The following ELP4 variants were observed in gnomAD, a reference collection of about 807,000 sequenced individuals.
ELP4 encodes the protein elongator complex protein 4.
A neutral mutation model predicts 48.9 loss-of-function variants in ELP4; 51 were observed. The observed-to-expected ratio is 1.04, with a 90% CI of 0.83 to 1.32. ELP4 has a LOEUF of 1.32. ELP4 is among the 40% of genes most tolerant of loss of function. ELP4 has a pLI of 0.00. For missense variants in ELP4, 519 were observed against 514.6 expected, an observed-to-expected ratio of 1.01 and a Z score of -0.08; for synonymous variants, 210 against 189.2, an observed-to-expected ratio of 1.11 and a Z score of -0.90.
At chr11:31,527,980 C>T (rs1317698930) in intron 2 of ELP4, among the ~76,000 whole-genome samples, 2 of 151,996 alleles carry the variant, frequency 1.3e-5, no homozygotes, top group African/African-American at 4.8e-5. Context: ...GTCTCTAGAC[C>T]TTTGCTTATG....
chr11:31,515,931 A>T (rs1264964979), intron 1 of ELP4, among the ~76,000 whole-genome samples: 1 of 152,182 alleles, frequency 6.6e-6, no homozygotes, highest in Non-Finnish European at 1.5e-5. Context: ...TAACACGGTG[A>T]AACCCCGTCG....
At chr11:31,706,505 A>G (rs745849940) in intron 9 of ELP4, among the ~76,000 whole-genome samples, 1 of 148,128 alleles carries the variant, frequency 6.8e-6, no homozygotes, top group African/African-American at 2.4e-5. Flanking sequence ...ATTTATTTTT[A>G]TATATTTATA....
intron 7 of ELP4, among the ~76,000 whole-genome samples, chr11:31,636,029 C>G (rs1944968013): frequency 6.6e-6 from 1 of 151,964 alleles, no homozygotes; most frequent in African/African-American, 2.4e-5. Flanking sequence ...AGTGCCACCT[C>G]TGGAGATTGT....
intron 6 of ELP4, 40 bp from the exon 7 acceptor site, chr11:31,632,177 C>A: frequency 6.5e-7 from 1 of 1,536,944 alleles, no homozygotes; most frequent in Non-Finnish European, 8.8e-7. Flanking sequence ...TATTGATTAA[C>A]AAAACTTTAT....
At chr11:31,632,050 A>AACAGTTTC (rs1356053719) in intron 6 of ELP4, among the ~76,000 whole-genome samples, 167 bp from the exon 7 acceptor site, 1 of 152,080 alleles carries the variant, frequency 6.6e-6, no homozygotes, top group Admixed American at 6.6e-5. Context: ...TTGTAATCTA[A>AACAGTTTC]ACAGTTTCAT....
intron 9 of ELP4, among the ~76,000 whole-genome samples, chr11:31,731,690 A>G (rs1947192187): frequency 6.6e-6 from 1 of 152,040 alleles, no homozygotes; most frequent in Non-Finnish European, 1.5e-5. Context: ...CTGGAAATGT[A>G]TATCCAAATT....
intron 9 of ELP4, among the ~76,000 whole-genome samples, chr11:31,660,074 G>A (rs1463291592): frequency 1.3e-5 from 2 of 152,124 alleles, no homozygotes; most frequent in African/African-American, 4.8e-5. Flanking sequence ...TACATTTCTT[G>A]TCTTTAATTA....
At chr11:31,722,415 A>G (rs1027493737) in intron 9 of ELP4, among the ~76,000 whole-genome samples, 13 of 152,332 alleles carry the variant, frequency 8.5e-5, no homozygotes, top group African/African-American at 2.6e-4. Flanking sequence ...TTTACATATG[A>G]TGCTTACAAT....
At chr11:31,728,118 G>A (rs1947113751) in intron 9 of ELP4, among the ~76,000 whole-genome samples, 1 of 152,070 alleles carries the variant, frequency 6.6e-6, no homozygotes, top group Non-Finnish European at 1.5e-5. Flanking sequence ...GATGATTATA[G>A]GTTTTAAAAG....
In ELP4 at chr11:31,731,141, T is replaced by A. The variant is rs1947177854; in HGVS notation, c.1144-52252T>A. Reference sequence around the variant, plus strand: ...AAAAAACTGAGAGAGGTGGTTACTTTGTCAAATGTGTAGATACCAACACAA... The same window carrying A: ...AAAAAACTGAGAGAGGTGGTTACTTAGTCAAATGTGTAGATACCAACACAA... On this transcript the variant is annotated intron_variant, in intron 9 of 9. Coordinates refer to ENST00000640961, the MANE Select transcript of ELP4 (RefSeq NM_019040.5). 2.0e-5 allele frequency among the ~76,000 whole-genome samples: 3 copies of A among 152,286 alleles called. No homozygotes were observed. The South Asian group carries it at 6.2e-4, about 32-fold the overall frequency.
chr11:31,754,341 TCA>T (rs1393447741), intron 9 of ELP4, among the ~76,000 whole-genome samples: 3 of 152,108 alleles, frequency 2.0e-5, no homozygotes, highest in African/African-American at 7.2e-5. Context: ...CTGTCTACTC[TCA>T]CAACTCATTC....
At chr11:31,622,443 G>A (rs916045421) in intron 5 of ELP4, among the ~76,000 whole-genome samples, 10 of 151,202 alleles carry the variant, frequency 6.6e-5, no homozygotes, top group African/African-American at 1.7e-4. Flanking sequence ...TTTGTTTATT[G>A]TTTCCAAAAC....
At chr11:31,535,672 C>A (rs549021819) in intron 2 of ELP4, among the ~76,000 whole-genome samples, 6 of 152,118 alleles carry the variant, frequency 3.9e-5, no homozygotes, top group Non-Finnish European at 7.3e-5. Context: ...TGACTTTTTA[C>A]GACTGTATAT....
chr11:31,774,290 A>C (rs1948202885), intron 9 of ELP4, among the ~76,000 whole-genome samples: 1 of 152,200 alleles, frequency 6.6e-6, no homozygotes, highest in Admixed American at 6.5e-5. Context: ...TGGGAAGGCA[A>C]TACCCTTAAT....
intron 3 of ELP4, among the ~76,000 whole-genome samples, chr11:31,571,645 C>G (rs1957195194): frequency 6.6e-6 from 1 of 152,152 alleles, no homozygotes; most frequent in Non-Finnish European, 1.5e-5. Flanking sequence ...GACATGTATT[C>G]TTAAATAATA....
At chr11:31,684,107 G>A (rs1052904432) in intron 9 of ELP4, among the ~76,000 whole-genome samples, 2 of 151,984 alleles carry the variant, frequency 1.3e-5, no homozygotes, top group Non-Finnish European at 2.9e-5. Context: ...ATATAAATTG[G>A]TATGTCACTT....
At chr11:31,574,460 G>T (rs1205733220) in intron 3 of ELP4, among the ~76,000 whole-genome samples, 2 of 152,214 alleles carry the variant, frequency 1.3e-5, no homozygotes, top group African/African-American at 4.8e-5. Flanking sequence ...TAGAGTTTGA[G>T]ATCTGAGAAC....
intron 9 of ELP4, among the ~76,000 whole-genome samples, chr11:31,724,577 T>C (rs1233993622): frequency 1.3e-5 from 2 of 152,232 alleles, no homozygotes; most frequent in African/African-American, 4.8e-5. Context: ...TTAACTTTAT[T>C]TGTGGATTTG....
intron 9 of ELP4, among the ~76,000 whole-genome samples, chr11:31,717,204 T>G (rs1443443979): frequency 1.3e-5 from 2 of 152,106 alleles, no homozygotes; most frequent in African/African-American, 2.4e-5. Flanking sequence ...TCCAGGAACT[T>G]GGATTGAAAA....
Sources: allele counts gnomAD v4.1 joint callset (sites outside exome capture counted in the v4.1 genomes callset), GRCh38; gene constraint gnomAD v4.1.1; transcripts MANE v1.5; gene names NCBI Gene and HGNC (gene_info 2026-07-23, HGNC 2026-07-21).